The following TOP1MT variants were observed in gnomAD, a reference collection of about 807,000 sequenced individuals.
TOP1MT encodes DNA topoisomerase I mitochondrial.
A neutral mutation model predicts 73.9 loss-of-function variants in TOP1MT; 80 were observed. That is an observed-to-expected ratio of 1.08 (90% CI 0.90 to 1.30). The LOEUF is 1.30. Among genes scored for constraint, TOP1MT ranks in the 50% most tolerant of loss-of-function variants. The probability of loss-of-function intolerance (pLI) is 0.00; values close to 1 mark genes in which losing one functional copy is unlikely to be tolerated. For missense variants in TOP1MT, 815 were observed against 808.0 expected (o/e 1.01, Z -0.10); for synonymous variants, 338 against 326.4 (o/e 1.04, Z -0.38).
At chr8:143,317,883 G>A (rs765843074) in intron 9 of TOP1MT, 46 bp from the exon 10 acceptor site, 78 of 1,602,256 alleles carry the variant, frequency 4.9e-5, no homozygotes, top group Middle Eastern at 1.6e-4. Context: ...TTGCGGGGCC[G>A]TCCCAGCCTC....
intron 7 of TOP1MT, among the ~76,000 whole-genome samples, chr8:143,322,687 C>CAG (rs1422899000): frequency 3.9e-5 from 4 of 102,540 alleles, no homozygotes; most frequent in Admixed American, 9.1e-5. Flanking sequence ...ACGCCACACA[C>CAG]GCACGCCACA....
chr8:143,347,243 C>T (rs62523662), upstream of TOP1MT, among the ~76,000 whole-genome samples: 18,026 of 152,144 alleles, frequency 0.12, 1,555 homozygotes, highest in East Asian at 0.29. Context: ...CAAGTTCTGC[C>T]TCCTGGGTTC....
intron 1 of TOP1MT, chr8:143,334,430 C>T: frequency 2.7e-6 from 1 of 374,466 alleles, no homozygotes; most frequent in Non-Finnish European, 4.8e-6. Context: ...TAACCAAACC[C>T]TACAGTGTTG....
upstream of TOP1MT, among the ~76,000 whole-genome samples, chr8:143,336,810 C>T (rs573123314): frequency 2.1e-3 from 315 of 151,872 alleles, 3 homozygotes; most frequent in African/African-American, 7.2e-3. Flanking sequence ...TAGTGAGACC[C>T]TATCTCTATG....
intron 12 of TOP1MT, among the ~76,000 whole-genome samples, chr8:143,311,514 G>A (rs1435921999): frequency 6.6e-6 from 1 of 152,190 alleles, no homozygotes; most frequent in South Asian, 2.1e-4. Flanking sequence ...GTGGGAGGCC[G>A]AGGCGGGTGG....
intron 7 of TOP1MT, 24 bp downstream of exon 7, chr8:143,323,975 C>T: frequency 1.2e-6 from 2 of 1,609,958 alleles, no homozygotes; most frequent in South Asian, 2.2e-5. Context: ...TGAAGAGCCG[C>T]CAGGAAGCGA....
Position 143,324,623 on chromosome 8 carries a change from C to T in TOP1MT, c.678G>A (p.Ser226=), listed in dbSNP as rs545179228. The T allele has an allele frequency of 1.1e-5, 18 of 1,612,936 alleles. No homozygotes were observed. In the African/African-American group the frequency reaches 2.0e-4, roughly 18 times the overall value. Residue 226 remains serine, a synonymous_variant, in exon 6 of 14, where the codon TCG becomes TCA. Coordinates refer to ENST00000329245, the MANE Select transcript of TOP1MT (RefSeq NM_052963.3). ...EDVVINCSRD[S]KIPEPPAGHQ... The stretch of plus-strand genomic sequence containing the variant: ...GCCCCGCCGGCGGCTCGGGGATCTT[C>T]GAGTCCCTGCAGCAGAACAACGACC...
At chr8:143,342,091 G>GAGAC (rs1205243136) in intron 2 of TOP1MT, among the ~76,000 whole-genome samples, 2 of 100,384 alleles carry the variant, frequency 2.0e-5, no homozygotes, top group African/African-American at 1.6e-4. Flanking sequence ...ATTATTATTA[G>GAGAC]AGTCTCGCTC....
chr8:143,359,225 A>C (rs1817462676), upstream of TOP1MT: 1 of 984,824 alleles, frequency 1.0e-6, no homozygotes, highest in Non-Finnish European at 1.2e-6. Flanking sequence ...TTATGGCTTT[A>C]GATGCGCCAG....
At chr8:143,335,906 G>C (rs1366217701), upstream of TOP1MT, among the ~76,000 whole-genome samples, 1 of 152,202 alleles carries the variant, frequency 6.6e-6, no homozygotes, top group East Asian at 1.9e-4. Context: ...CTCGCTCTTA[G>C]GGCCCAGGCA....
At chr8:143,351,403 T>C (rs1817318767) in intron 1 of TOP1MT, among the ~76,000 whole-genome samples, 2 of 151,792 alleles carry the variant, frequency 1.3e-5, no homozygotes, top group Admixed American at 1.3e-4. Context: ...CGAAACCCTG[T>C]CTCTACTAAA....
intron 3 of TOP1MT, chr8:143,327,760 C>G: frequency 5.5e-6 from 2 of 363,132 alleles, no homozygotes; most frequent in South Asian, 1.7e-5. Context: ...GGGGTGGCAT[C>G]AGGCCAAAGA....
At position 143,341,545 on chromosome 8, in the gene TOP1MT, CA is replaced by C. The variant is rs1195550649; in HGVS notation, c.29+1674del. Among the ~76,000 whole-genome samples the C allele has an allele frequency of 2.0e-5, 3 of 152,270 alleles. No individual in the cohort carries two copies. Among genetic ancestry groups the C allele is most frequent in the African/African-American group, 7.2e-5 (3 of 41,486 alleles). ...GGAAGGTTCACCTTCCCCACCCCAG[CA>C]ATGGCTGCCCTCCATGGGCCTAACA... On this transcript the variant is annotated intron_variant, in intron 2 of 5. Transcript: ENST00000518007. The surrounding 1 kb of genome is among the most constrained non-coding windows in gnomAD (Gnocchi z 4.1).
At chr8:143,339,787 G>A (rs55924479), upstream of TOP1MT, among the ~76,000 whole-genome samples, 3,425 of 124,716 alleles carry the variant, frequency 0.027, 55 homozygotes, top group Non-Finnish European at 0.045. Flanking sequence ...TGCTCCCAGC[G>A]CTGATCTACA....
chr8:143,329,677 G>A (rs1004850414), intron 2 of TOP1MT, among the ~76,000 whole-genome samples: 16 of 152,052 alleles, frequency 1.1e-4, no homozygotes, highest in South Asian at 2.1e-4. Context: ...TGATCTGGGA[G>A]CGGGTCGTGA....
chr8:143,348,834 G>A (rs1195820539), upstream of TOP1MT, among the ~76,000 whole-genome samples: 2 of 152,134 alleles, frequency 1.3e-5, no homozygotes, highest in African/African-American at 2.4e-5. This position sits in a 1 kb window ranked among gnomAD's most constrained non-coding sequence, Gnocchi z 4.6. Flanking sequence ...CAACTCCCAG[G>A]AGCCTGGTGC....
At chr8:143,327,780 A>C (rs1816746913) in intron 3 of TOP1MT, 1 of 438,348 alleles carries the variant, frequency 2.3e-6, no homozygotes, top group Non-Finnish European at 4.6e-6. Flanking sequence ...AAGAGGGTCC[A>C]GAAGCGGAGC....
upstream of TOP1MT, among the ~76,000 whole-genome samples, chr8:143,356,785 CAAAAA>C (rs1161995816): frequency 1.5e-4 from 4 of 25,960 alleles, no homozygotes; most frequent in Admixed American, 4.5e-4. Context: ...GACTCTGTCT[CAAAAA>C]AAAAAAAAAA....
At chr8:143,320,154 G>C (rs190828250) in intron 8 of TOP1MT, among the ~76,000 whole-genome samples, 1,810 of 151,992 alleles carry the variant, frequency 0.012, 32 homozygotes, top group Admixed American at 0.042. Flanking sequence ...AAGAAGACAG[G>C]GTCTCATTTT....
Sources: allele counts gnomAD v4.1 joint callset (sites outside exome capture counted in the v4.1 genomes callset), GRCh38; gene constraint gnomAD v4.1.1; non-coding constraint Gnocchi (gnomAD v3.1); transcripts MANE v1.5; gene names NCBI Gene and HGNC (gene_info 2026-07-23, HGNC 2026-07-21).